The following FRMD4B variants were observed in gnomAD, a reference collection of about 807,000 sequenced individuals.
FRMD4B encodes the protein FERM domain containing 4B.
In FRMD4B, 74 loss-of-function variants were observed where a neutral mutation model predicts 141.5. That is an observed-to-expected ratio of 0.52 (90% CI 0.43 to 0.63). The LOEUF (loss-of-function observed/expected upper bound fraction) is 0.63, where lower values mean the gene tolerates loss of function less well. Among genes scored for constraint, FRMD4B ranks in the 30% least tolerant of loss-of-function variants. The probability of loss-of-function intolerance (pLI) is 0.00; values close to 1 mark genes in which losing one functional copy is unlikely to be tolerated. For synonymous variants in FRMD4B, 506 were observed against 467.9 expected (o/e 1.08, Z -1.05); for missense variants, 1,366 against 1,253.4 (o/e 1.09, Z -1.36).
chr3:69,479,663 G>T (rs1706080087), intron 1 of FRMD4B, among the ~76,000 whole-genome samples: 1 of 152,026 alleles, frequency 6.6e-6, no homozygotes, highest in Non-Finnish European at 1.5e-5. Context: ...TTCAACTTTG[G>T]TGACTCTGAC....
At chr3:69,195,984 T>TG (rs1307502293) in intron 14 of FRMD4B, among the ~76,000 whole-genome samples, 6 of 152,286 alleles carry the variant, frequency 3.9e-5, no homozygotes, top group Admixed American at 3.3e-4. Flanking sequence ...AAAAAGCAGC[T>TG]GCTGTGGAAA....
chr3:69,479,345 C>G (rs201810262), intron 1 of FRMD4B, among the ~76,000 whole-genome samples: 7 of 151,806 alleles, frequency 4.6e-5, no homozygotes, highest in African/African-American at 1.7e-4. Flanking sequence ...TGGCTGGTAC[C>G]GGTTGTTCCT....
At chr3:69,251,975 T>G (rs1285906730) in intron 5 of FRMD4B, among the ~76,000 whole-genome samples, 2 of 152,134 alleles carry the variant, frequency 1.3e-5, no homozygotes, top group African/African-American at 4.8e-5. Flanking sequence ...AAAGTTAAAG[T>G]CAAATGTGTC....
Position 69,341,054 on chromosome 3 carries a change from AG to A in FRMD4B, c.163-27538del, listed in dbSNP as rs529230562. Among the ~76,000 whole-genome samples the A allele has an allele frequency of 2.2e-4, 34 of 152,388 alleles. No individual in the cohort carries two copies. The South Asian group carries it at 6.2e-3, about 28-fold the overall frequency. On this transcript the variant is annotated intron_variant, in intron 1 of 22. Coordinates refer to ENST00000398540, the MANE Select transcript of FRMD4B (RefSeq NM_015123.3). ...TTTATAAAAATTGGGAAGACACCAT[AG>A]CACTCTTTTTCATATATAATAGTTA...
chr3:69,173,250 T>C (rs1056570358), intron 22 of FRMD4B, among the ~76,000 whole-genome samples: 1 of 152,202 alleles, frequency 6.6e-6, no homozygotes, highest in Non-Finnish European at 1.5e-5. Flanking sequence ...CTGTATTATA[T>C]ACTAGGTAGC....
chr3:69,450,348 G>A (rs1172653694), intron 1 of FRMD4B, among the ~76,000 whole-genome samples: 2 of 152,242 alleles, frequency 1.3e-5, no homozygotes, highest in South Asian at 2.1e-4. Context: ...AATTAGCCAG[G>A]CATCATGGCA....
At chr3:69,345,580 C>T (rs1389179594) in intron 1 of FRMD4B, among the ~76,000 whole-genome samples, 1 of 152,200 alleles carries the variant, frequency 6.6e-6, no homozygotes. Flanking sequence ...CAGGGTGGCA[C>T]CCCTCAGTAG....
Position 69,187,885 on chromosome 3 carries a change from A to T in FRMD4B, c.1804T>A (p.Ser602Thr). The change falls in exon 19 of 23, where the codon TCA becomes ACA. Residue 602 changes from serine to threonine, a missense_variant. Transcript: ENST00000398540. ...SDAFTFPGQR[S>T]SSVPHSPRIL... The stretch of plus-strand genomic sequence containing the variant: ...CTTGGAGAATGAGGTACTGAACTTG[A>T]TCGCTGCCCAGGAAAAGTGAAGGCA... 1.2e-6 allele frequency: 2 copies of T among 1,600,506 alleles called. No individual in the cohort carries two copies. Among genetic ancestry groups the T allele is most frequent in the Non-Finnish European group, 1.7e-6 (2 of 1,172,308 alleles).
intron 4 of FRMD4B, among the ~76,000 whole-genome samples, chr3:69,300,894 C>A (rs1261710561): frequency 1.3e-5 from 2 of 152,140 alleles, no homozygotes; most frequent in Non-Finnish European, 2.9e-5. Flanking sequence ...CACCACCAAG[C>A]CTGGCTAATT....
chr3:69,196,593 C>T lies in FRMD4B; in HGVS notation c.1093-197G>A, dbSNP rs757551438. 3.9e-4 allele frequency: 229 copies of T among 590,244 alleles called. 1 individual carries two copies. The Middle Eastern group carries it at 4.9e-3, about 13-fold the overall frequency. 36.6% of individuals were successfully genotyped at this position (590,244 alleles called of 1,614,324 possible). On this transcript the variant is annotated intron_variant, in intron 13 of 22. Transcript: ENST00000398540. ...TAGTTAAAATGTTTTAATAACTATACGTGATTTTCTCATGGTGTGGTTCAG... is the reference window on the plus strand; with the variant it reads ...TAGTTAAAATGTTTTAATAACTATATGTGATTTTCTCATGGTGTGGTTCAG...
intron 3 of FRMD4B, among the ~76,000 whole-genome samples, chr3:69,305,306 G>A (rs1174016346): frequency 6.6e-6 from 1 of 152,054 alleles, no homozygotes; most frequent in East Asian, 1.9e-4. Context: ...ACAAGACAAG[G>A]CTTCTGATAC....
intron 4 of FRMD4B, among the ~76,000 whole-genome samples, chr3:69,299,495 A>G (rs1010221186): frequency 5.3e-5 from 8 of 152,194 alleles, no homozygotes; most frequent in Admixed American, 1.3e-4. Context: ...CCTCCATGGC[A>G]TTATATCAGA....
intron 2 of FRMD4B, among the ~76,000 whole-genome samples, chr3:69,425,542 G>A (rs1705062212): frequency 2.0e-5 from 3 of 152,120 alleles, no homozygotes; most frequent in Non-Finnish European, 2.9e-5. Flanking sequence ...ATCTCTAATC[G>A]ATCTGCAATT....
At chr3:69,199,848 C>T (rs771205117) in intron 11 of FRMD4B, among the ~76,000 whole-genome samples, 2 of 152,160 alleles carry the variant, frequency 1.3e-5, no homozygotes, top group Non-Finnish European at 2.9e-5. Flanking sequence ...ATTGAGGATG[C>T]CTTGCTATGT....
chr3:69,299,399 A>C (rs1488445172), intron 4 of FRMD4B, among the ~76,000 whole-genome samples: 1 of 152,212 alleles, frequency 6.6e-6, no homozygotes, highest in Admixed American at 6.5e-5. Context: ...GATGAGATAC[A>C]TGACAACATC....
intron 7 of FRMD4B, among the ~76,000 whole-genome samples, chr3:69,243,800 C>A (rs2093405453): frequency 6.6e-6 from 1 of 152,176 alleles, no homozygotes; most frequent in South Asian, 2.1e-4. Context: ...AATCCCAGCA[C>A]TTTGGGAGGC....
intron 1 of FRMD4B, among the ~76,000 whole-genome samples, chr3:69,461,623 CAAAAAA>C (rs58143332): frequency 2.5e-4 from 11 of 43,464 alleles, no homozygotes; most frequent in South Asian, 1.6e-3. Flanking sequence ...GACTCTGTCT[CAAAAAA>C]AAAAAAAAAA....
chr3:69,406,983 A>T (rs1017194906), intron 2 of FRMD4B, among the ~76,000 whole-genome samples: 6 of 150,864 alleles, frequency 4.0e-5, no homozygotes, highest in Admixed American at 4.0e-4. Context: ...CCTGACTTCA[A>T]GGGATCTGCC....
chr3:69,237,628 T>A (rs2093353938), intron 7 of FRMD4B, among the ~76,000 whole-genome samples: 1 of 152,110 alleles, frequency 6.6e-6, no homozygotes, highest in African/African-American at 2.4e-5. Flanking sequence ...TCATGGGGGT[T>A]CAGGTGCGAG....
Sources: allele counts gnomAD v4.1 joint callset (sites outside exome capture counted in the v4.1 genomes callset), GRCh38; gene constraint gnomAD v4.1.1; transcripts MANE v1.5; gene names NCBI Gene and HGNC (gene_info 2026-07-23, HGNC 2026-07-21).